The following CLEC16A variants were observed in gnomAD, a reference collection of about 807,000 sequenced individuals.
The protein encoded by CLEC16A is C-type lectin domain containing 16A.
CLEC16A carries 51 observed loss-of-function variants against 109.5 expected under a neutral mutation model. The ratio of observed to expected loss-of-function variants is 0.47; its 90% CI spans 0.37 to 0.59. CLEC16A has a LOEUF of 0.59. Among genes scored for constraint, CLEC16A ranks in the 20% least tolerant of loss-of-function variants. The pLI is 0.00. For missense variants in CLEC16A, 1,339 were observed against 1,394.0 expected (o/e 0.96, Z 0.63); for synonymous variants, 673 against 564.2 (o/e 1.19, Z -2.73).
intron 19 of CLEC16A, among the ~76,000 whole-genome samples, chr16:11,064,397 TG>T (rs2048653814): frequency 6.6e-6 from 1 of 152,256 alleles, no homozygotes; most frequent in African/African-American, 2.4e-5. Context: ...CATTTGATTT[TG>T]CAGCCACTGG....
At position 11,178,211 on chromosome 16, in the gene CLEC16A, C is replaced by A; in HGVS notation, c.2807-124C>A. Reference sequence around the variant, plus strand: ...AGTGAGTGGAGCCACGCTGAGCCCTCACGCCAGCCAGCCACCTCCCACCTA... The same window carrying A: ...AGTGAGTGGAGCCACGCTGAGCCCTAACGCCAGCCAGCCACCTCCCACCTA... On this transcript the variant is annotated intron_variant, in intron 23 of 23. Transcript: ENST00000409790. The surrounding 1 kb of genome is among the most constrained non-coding windows in gnomAD (Gnocchi z 6.5). 1.2e-6 allele frequency: 1 copy of A among 803,634 alleles called. No homozygotes were observed. Among genetic ancestry groups the A allele is most frequent in the South Asian group, 1.7e-5 (1 of 60,144 alleles). 49.8% of individuals were successfully genotyped at this position (803,634 alleles called of 1,614,324 possible).
chr16:11,054,156 C>T (rs34083796), intron 18 of CLEC16A, among the ~76,000 whole-genome samples: 21,300 of 152,264 alleles, frequency 0.14, 1,864 homozygotes, highest in South Asian at 0.24. Flanking sequence ...CCTTGAGAAC[C>T]TTGGCTGTCA....
chr16:11,091,454 G>C (rs560774489), intron 19 of CLEC16A, among the ~76,000 whole-genome samples: 1 of 152,336 alleles, frequency 6.6e-6, no homozygotes, highest in East Asian at 1.9e-4. Flanking sequence ...GGCGGGTGGG[G>C]CTGTGTGCCC....
At chr16:11,117,312 AT>A (rs1326618811) in intron 19 of CLEC16A, among the ~76,000 whole-genome samples, 1 of 152,228 alleles carries the variant, frequency 6.6e-6, no homozygotes, top group Non-Finnish European at 1.5e-5. Context: ...TGGCGTGTAA[AT>A]TATACTTTAA....
rs941468380 is a variant in CLEC16A at position 10,954,343 on chromosome 16, G to A, written c.81-3439G>A. The stretch of plus-strand genomic sequence containing the variant: ...CTCGCAGAGAACCAGGCACGTGGGG[G>A]CTCCTAGAATCTTTTTTTCAGGACT... On this transcript the variant is annotated intron_variant, in intron 1 of 23. Transcript: ENST00000409790. This position sits in a 1 kb window ranked among gnomAD's most constrained non-coding sequence, Gnocchi z 4.2. 6.6e-6 allele frequency among the ~76,000 whole-genome samples: 1 copy of A among 152,168 alleles called. No homozygotes were observed. Among genetic ancestry groups the A allele is most frequent in the Non-Finnish European group, 1.5e-5 (1 of 68,038 alleles).
chr16:11,161,675 G>A (rs1439824440), intron 22 of CLEC16A, among the ~76,000 whole-genome samples: 2 of 152,166 alleles, frequency 1.3e-5, no homozygotes, highest in African/African-American at 2.4e-5. Flanking sequence ...ACGCCCACAC[G>A]GCCAGGCAAG....
At chr16:11,051,761 G>A (rs1272300821) in intron 18 of CLEC16A, 120 bp downstream of exon 18, 4 of 1,282,828 alleles carry the variant, frequency 3.1e-6, no homozygotes, top group Admixed American at 2.3e-5. Context: ...AGCTTAGACA[G>A]TGGATAGAGA....
At chr16:10,978,997 G>T (rs1036293273) in intron 8 of CLEC16A, among the ~76,000 whole-genome samples, 8 of 152,052 alleles carry the variant, frequency 5.3e-5, no homozygotes, top group African/African-American at 1.7e-4. Context: ...CCTCCTGGAG[G>T]CCTCTCCTGC....
At chr16:11,151,634 A>G (rs1021893532) in intron 22 of CLEC16A, among the ~76,000 whole-genome samples, 6 of 152,372 alleles carry the variant, frequency 3.9e-5, no homozygotes, top group African/African-American at 1.4e-4. Context: ...TTTCAGAAAT[A>G]CTGGGCCCTC....
intron 22 of CLEC16A, chr16:11,157,301 C>T: frequency 9.2e-7 from 1 of 1,081,376 alleles, no homozygotes; most frequent in Non-Finnish European, 1.2e-6. Context: ...CCCGGGAGGC[C>T]ATACGAACAT....
At chr16:11,043,635 C>T (rs1291137635) in intron 15 of CLEC16A, among the ~76,000 whole-genome samples, 5 of 151,964 alleles carry the variant, frequency 3.3e-5, no homozygotes, top group Non-Finnish European at 5.9e-5. Context: ...GAGGCCGAGG[C>T]GGGCAGATCA....
rs745785220 is a variant in CLEC16A, at chr16:10,969,281, A to G, written c.464A>G (p.Asn155Ser). The G allele has an allele frequency of 5.0e-6, 8 of 1,611,592 alleles. No homozygotes were observed. Among genetic ancestry groups the G allele is most frequent in the Admixed American group, 3.4e-5 (2 of 59,668 alleles). Residue 155 changes from asparagine to serine, a missense_variant, in exon 4 of 24, where the codon AAC becomes AGC. Coordinates refer to ENST00000409790, the MANE Select transcript of CLEC16A (RefSeq NM_015226.3). ...AAAACACTTTCGTTAAAACTCAACA[A>G]CCACACTGTCCATTTCTTTTATAAT... The part of the protein sequence containing the change: ...FLKTLSLKLN[N>S]HTVHFFYNEH...
At chr16:11,056,299 A>T (rs145437699) in intron 18 of CLEC16A, among the ~76,000 whole-genome samples, 1 of 152,324 alleles carries the variant, frequency 6.6e-6, no homozygotes, top group South Asian at 2.1e-4. Flanking sequence ...CTTGCCTCTC[A>T]GCTGTTGCCC....
At chr16:11,085,466 C>G (rs754455524) in intron 19 of CLEC16A, among the ~76,000 whole-genome samples, 1 of 152,270 alleles carries the variant, frequency 6.6e-6, no homozygotes, top group Non-Finnish European at 1.5e-5. Context: ...CTTGGCTGTC[C>G]TCTTCATCTT....
Position 11,020,209 on chromosome 16 carries a change from C to A in CLEC16A, c.1320C>A (p.Ile440=), listed in dbSNP as rs1597076754. ...GGCTTCCAGAGATCGAGATGGTGATCATGGAGCGTAGCAAGCTCTCAGAGC... is the reference window on the plus strand; with the variant it reads ...GGCTTCCAGAGATCGAGATGGTGATAATGGAGCGTAGCAAGCTCTCAGAGC... The part of the protein sequence containing the change: ...SGESEEIEMV[I]MERSKLSELA... The change falls in exon 12 of 24, where the codon ATC becomes ATA. Residue 440 remains isoleucine, a synonymous_variant. Coordinates refer to ENST00000409790, the MANE Select transcript of CLEC16A (RefSeq NM_015226.3). The A allele has an allele frequency of 1.8e-5, 29 of 1,612,488 alleles. No homozygotes were observed. In the East Asian group the frequency reaches 6.5e-4, roughly 36 times the overall value.
intron 10 of CLEC16A, among the ~76,000 whole-genome samples, chr16:10,984,430 C>T (rs1161320360): frequency 6.6e-6 from 1 of 152,134 alleles, no homozygotes; most frequent in Non-Finnish European, 1.5e-5. Context: ...TTCTTTGGGC[C>T]AAGTATCATG....
rs140467939 is a variant in CLEC16A at position 11,009,680 on chromosome 16, G to A, written c.1303+6375G>A. ...TGGCATGGGAACTGATACTGTGCAG[G>A]CACTCATTTCCACAACTTAAGGGGG... On this transcript the variant is annotated intron_variant, in intron 11 of 23. Transcript: ENST00000409790. 2.8e-4 allele frequency among the ~76,000 whole-genome samples: 43 copies of A among 152,328 alleles called. 1 individual carries two copies. The East Asian group carries it at 7.1e-3, about 25-fold the overall frequency.
At position 11,087,046 on chromosome 16, in the gene CLEC16A, G is replaced by A. The variant is rs1424584292; in HGVS notation, c.2116+26024G>A. Among the ~76,000 whole-genome samples, 3 of 152,210 alleles carry A rather than the reference G, an allele frequency of 2.0e-5. No individual in the cohort carries two copies. In the East Asian group the frequency reaches 5.8e-4, roughly 29 times the overall value. ...TCACAATTTATCCCTGTCAGGGCAA[G>A]ATGGAGTAAGTTAAGCTAGTCCAAA... On this transcript the variant is annotated intron_variant, in intron 19 of 23. Coordinates refer to ENST00000409790, the MANE Select transcript of CLEC16A (RefSeq NM_015226.3).
chr16:11,133,133 G>A (rs1174426387), intron 22 of CLEC16A, among the ~76,000 whole-genome samples: 1 of 152,172 alleles, frequency 6.6e-6, no homozygotes, highest in African/African-American at 2.4e-5. Flanking sequence ...GAGGTCAGGA[G>A]TTCGAGACCA....
Sources: gnomAD v4.1 joint callset for allele counts (sites outside exome capture counted in the v4.1 genomes callset) on GRCh38, gnomAD v4.1.1 for gene constraint, Gnocchi (gnomAD v3.1) non-coding constraint, MANE v1.5 for transcripts, NCBI Gene and HGNC (gene_info 2026-07-23, HGNC 2026-07-21) for gene names.